Variants in ERG28 observed in about 807,000 individuals in gnomAD.
ERG28 encodes the protein ergosterol biosynthesis 28 homolog, also known as ergosterol biosynthetic protein 28 homolog.
Under a neutral mutation model 15.7 loss-of-function variants are expected in ERG28, and 9 were observed. The observed-to-expected ratio is 0.57, with a 90% confidence interval of 0.35 to 1.00. The LOEUF is 1.00. Ranked by LOEUF, ERG28 falls within the 50% of genes least tolerant of loss-of-function variation. ERG28 has a pLI of 0.02. For missense variants in ERG28, 117 were observed against 173.3 expected (o/e 0.68, Z 1.82); for synonymous variants, 61 against 68.4 (o/e 0.89, Z 0.53).
At position 75,659,929 on chromosome 14, in the gene ERG28, A is replaced by G. The variant is rs1890658430; in HGVS notation, c.-32+846T>C. The stretch of plus-strand genomic sequence containing the variant: ...AAAGAGATCTAGAGAAGGAAGGGTG[A>G]ATTGATGAGCCCTTCAGGGAGAGCT... On this transcript the variant is annotated intron_variant, in intron 1 of 4. Transcript: ENST00000256319. Among the ~76,000 whole-genome samples the G allele has an allele frequency of 1.4e-5, 2 of 147,742 alleles. 1 individual carries two copies. The highest frequency in any genetic ancestry group is 4.5e-4 in the South Asian group (2 of 4,450).
Position 75,651,119 on chromosome 14 carries a change from C to CTCGGTGGTCGCCGTATCATTAAAA in ERG28, c.*435_*436insTTTTAATGATACGGCGACCACCGA. 6.2e-6 allele frequency: 1 copy of CTCGGTGGTCGCCGTATCATTAAAA among 160,400 alleles called. No individual in the cohort carries two copies. The highest frequency in any genetic ancestry group is 1.4e-5 in the Non-Finnish European group (1 of 72,128). The allele number at this position is 160,400 out of a possible 1,614,324, so 9.9% of individuals were successfully genotyped here. On this transcript the variant is annotated 3_prime_UTR_variant, in exon 5 of 5. Coordinates refer to ENST00000256319, the MANE Select transcript of ERG28 (RefSeq NM_007176.4). ...CAGAGAGGAGCCCAACCTGCGTGGA[C>CTCGGTGGTCGCCGTATCATTAAAA]AACCCCTTGAGGCAGCCCTTGGTCA...
chr14:75,659,870 C>T (rs963564336), intron 1 of ERG28, among the ~76,000 whole-genome samples: 2 of 132,460 alleles, frequency 1.5e-5, no homozygotes, highest in Admixed American at 6.9e-5. Context: ...CACCGCCGCC[C>T]CCCCCCGCCA....
At position 75,651,884 on chromosome 14, in the gene ERG28, T is replaced by C; in HGVS notation, c.230A>G (p.Tyr77Cys). The change falls in exon 4 of 5, where the codon TAT (tyrosine) becomes TGT (cysteine). Residue 77 changes from tyrosine to cysteine, a missense_variant. Physicochemically the swap from Tyr to Cys is radical, Grantham distance 194. Coordinates refer to ENST00000256319, the MANE Select transcript of ERG28 (RefSeq NM_007176.4). Reference protein sequence around the residue: ...CAIDIHNKTLYHITLWTFLLA... With the variant: ...CAIDIHNKTLCHITLWTFLLA... ...GAGGAAGGTCCAGAGTGTGATGTGA[T>C]AGAGCCTATAAGGAAGCAGACAGAA... The C allele has an allele frequency of 6.2e-7, 1 of 1,605,232 alleles. No individual in the cohort carries two copies.
At chr14:75,655,644 A>G (rs1261548377) in intron 2 of ERG28, among the ~76,000 whole-genome samples, 3 of 152,236 alleles carry the variant, frequency 2.0e-5, no homozygotes, top group Non-Finnish European at 2.9e-5. Flanking sequence ...ATATTCCACC[A>G]TAACAGTGGT....
chr14:75,652,125 A>G (rs750598343), intron 3 of ERG28, among the ~76,000 whole-genome samples: 1 of 152,260 alleles, frequency 6.6e-6, no homozygotes, highest in Non-Finnish European at 1.5e-5. Context: ...ATCCAGAATG[A>G]ACGTCCAGGT....
chr14:75,651,499 GGAA>G lies in ERG28; in HGVS notation c.*53_*55del. The G allele has an allele frequency of 6.7e-7, 1 of 1,499,836 alleles. No homozygotes were observed. Among genetic ancestry groups the G allele is most frequent in the East Asian group, 2.3e-5 (1 of 43,556 alleles). 92.9% of individuals were successfully genotyped at this position (1,499,836 alleles called of 1,614,324 possible). On this transcript the variant is annotated 3_prime_UTR_variant, in exon 5 of 5. Coordinates refer to ENST00000256319, the MANE Select transcript of ERG28 (RefSeq NM_007176.4). The stretch of plus-strand genomic sequence containing the variant: ...GAAATTAAAGAGGAGAGACGACGAA[GGAA>G]GAAGATGGCCAAGGTGGAAAACGAG...
Position 75,657,523 on chromosome 14 carries a change from G to C in ERG28, c.-21C>G, listed in dbSNP as rs1890614402. On this transcript the variant is annotated 5_prime_UTR_variant, in exon 2 of 5. Coordinates refer to ENST00000256319, the MANE Select transcript of ERG28 (RefSeq NM_007176.4). ...CTCATGACTCCCCTCAAACGTGGGA[G>C]GGCTTTTTGCCTTGGAAACAAAGGC... 1 of 1,613,438 alleles carries C rather than the reference G, an allele frequency of 6.2e-7. No homozygotes were observed. The highest frequency in any genetic ancestry group is 8.5e-7 in the Non-Finnish European group (1 of 1,179,688).
intron 2 of ERG28, 27 bp downstream of exon 2, chr14:75,657,343 G>T: frequency 6.2e-7 from 1 of 1,613,422 alleles, no homozygotes. Flanking sequence ...GTCCTATAAA[G>T]GATGCAGAAA....
chr14:75,653,360 C>A (rs910397014), intron 3 of ERG28, among the ~76,000 whole-genome samples: 1 of 151,596 alleles, frequency 6.6e-6, no homozygotes, highest in Non-Finnish European at 1.5e-5. Context: ...ATCCCAGCAC[C>A]TTGGAGGCCA....
intron 3 of ERG28, among the ~76,000 whole-genome samples, chr14:75,652,291 A>G (rs539838294): frequency 6.6e-6 from 1 of 152,238 alleles, no homozygotes; most frequent in Non-Finnish European, 1.5e-5. Context: ...GCATCTGGCC[A>G]TGCACTTGTC....
At position 75,657,426 on chromosome 14, in the gene ERG28, C is replaced by T; in HGVS notation, c.77G>A (p.Ser26Asn). Reference protein sequence around the residue: ...SIIAMGNTLQSFRDHTFLYEK... With the variant: ...SIIAMGNTLQNFRDHTFLYEK... The stretch of plus-strand genomic sequence containing the variant: ...ATAGAGAAAAGTGTGGTCTCGGAAG[C>T]TCTGCAGCGTGTTCCCCATGGCTAT... The change falls in exon 2 of 5, where the codon AGC becomes AAC. Residue 26 changes from serine (S) to asparagine (N), a missense_variant. By Grantham distance (46) the Ser-to-Asn change is conservative. Transcript: ENST00000256319. The T allele has an allele frequency of 1.2e-6, 2 of 1,614,028 alleles. No homozygotes were observed. The highest frequency in any genetic ancestry group is 1.7e-6 in the Non-Finnish European group (2 of 1,179,980).
In ERG28 at chr14:75,651,547, T is replaced by C. The variant is rs530426881; in HGVS notation, c.*8A>G. The C allele has an allele frequency of 6.2e-7, 1 of 1,605,340 alleles. No homozygotes were observed. Among genetic ancestry groups the C allele is most frequent in the East Asian group, 2.2e-5 (1 of 44,586 alleles). Reference sequence around the variant, plus strand: ...AACGAGAAAGTCCTGGAGGTGATAATGCTGGCCTCAGTTTCTCTTCTTCTG... The same window carrying C: ...AACGAGAAAGTCCTGGAGGTGATAACGCTGGCCTCAGTTTCTCTTCTTCTG... On this transcript the variant is annotated 3_prime_UTR_variant, in exon 5 of 5. Coordinates refer to ENST00000256319, the MANE Select transcript of ERG28 (RefSeq NM_007176.4).
chr14:75,657,643 A>G, intron 1 of ERG28, 110 bp from the exon 2 acceptor site: 2 of 899,114 alleles, frequency 2.2e-6, no homozygotes, highest in South Asian at 3.4e-5. Flanking sequence ...CAGTCACACT[A>G]ATAGTGGTGA....
rs1890509279 is a variant in ERG28, at chr14:75,650,495, G to C, written c.*1060C>G. The C allele has an allele frequency of 6.6e-6, 1 of 152,252 alleles. No homozygotes were observed. The highest frequency in any genetic ancestry group is 1.5e-5 in the Non-Finnish European group (1 of 68,086). 9.4% of individuals were successfully genotyped at this position (152,252 alleles called of 1,614,324 possible). On this transcript the variant is annotated 3_prime_UTR_variant, in exon 5 of 5. Transcript: ENST00000256319. ...CAGCTGGGGGAGGCCCTCTGGGTAG[G>C]GTTTAAGAGCAACTGTCCATTCCAG...
rs571357126 is a variant in ERG28, at chr14:75,649,851, T to G, written c.*1704A>C. 1 of 152,362 alleles carries G rather than the reference T, an allele frequency of 6.6e-6. No individual in the cohort carries two copies. Among genetic ancestry groups the G allele is most frequent in the East Asian group, 1.9e-4 (1 of 5,198 alleles). 9.4% of individuals were successfully genotyped at this position (152,362 alleles called of 1,614,324 possible). On this transcript the variant is annotated 3_prime_UTR_variant, in exon 5 of 5. Transcript: ENST00000256319. ...GTTCTTATTCCTTGAATAAGACTAT[T>G]CTACCTTCCAGTTGCTGCTCCCTCC...
intron 2 of ERG28, 108 bp from the exon 3 acceptor site, chr14:75,655,084 C>A: frequency 9.2e-7 from 1 of 1,082,294 alleles, no homozygotes; most frequent in Non-Finnish European, 1.4e-6. Context: ...CTGGACCTGA[C>A]CTCTCTGTGG....
In ERG28 at chr14:75,650,532, C is replaced by T. The variant is rs1890509586; in HGVS notation, c.*1023G>A. ...ACTGTCCATTCCAGTGCATTCTCCT[C>T]GGGGTTTAGTTGTCTTCTTCCCATG... On this transcript the variant is annotated 3_prime_UTR_variant, in exon 5 of 5. Coordinates refer to ENST00000256319, the MANE Select transcript of ERG28 (RefSeq NM_007176.4). 2 of 152,376 alleles carry T rather than the reference C, an allele frequency of 1.3e-5. No individual in the cohort carries two copies. Among genetic ancestry groups the T allele is most frequent in the South Asian group, 4.1e-4 (2 of 4,824 alleles). 9.4% of individuals were successfully genotyped at this position (152,376 alleles called of 1,614,324 possible). A position where few individuals can be genotyped will look rare whatever the true frequency, so the allele number is the denominator to read the frequency against.
intron 3 of ERG28, among the ~76,000 whole-genome samples, chr14:75,652,396 G>T (rs941955589): frequency 2.6e-5 from 4 of 152,144 alleles, no homozygotes; most frequent in African/African-American, 7.2e-5. Context: ...TGCAATATAC[G>T]TTGGTTACTT....
At chr14:75,657,128 CTA>C (rs1388699299) in intron 2 of ERG28, among the ~76,000 whole-genome samples, 1 of 151,300 alleles carries the variant, frequency 6.6e-6, no homozygotes, top group Non-Finnish European at 1.5e-5. Context: ...ACCACAAAGT[CTA>C]TTACTCCAGT....
Sources: allele counts gnomAD v4.1 joint callset (sites outside exome capture counted in the v4.1 genomes callset), GRCh38; gene constraint gnomAD v4.1.1; transcripts MANE v1.5; gene names NCBI Gene and HGNC (gene_info 2026-07-23, HGNC 2026-07-21).